The following KATNIP variants were observed in gnomAD, a reference collection of about 807,000 sequenced individuals.
KATNIP encodes the protein katanin-interacting protein.
In KATNIP, 126 loss-of-function variants were observed where a neutral mutation model predicts 174.0. That is an observed-to-expected ratio of 0.72 (90% CI 0.63 to 0.84). The LOEUF is 0.84. Ranked by LOEUF, KATNIP falls within the 40% of genes least tolerant of loss-of-function variation. The pLI is 0.00. For synonymous variants in KATNIP, 810 were observed against 835.7 expected, an observed-to-expected ratio of 0.97 and a Z score of 0.53; for missense variants, 1,958 against 2,109.7, an observed-to-expected ratio of 0.93 and a Z score of 1.41.
intron 1 of KATNIP, among the ~76,000 whole-genome samples, chr16:27,561,278 C>G: frequency 6.6e-6 from 1 of 152,218 alleles, no homozygotes; most frequent in East Asian, 1.9e-4. Flanking sequence ...CTGCATCGGC[C>G]TCCCAAAGTG....
chr16:27,769,851 T>C lies in KATNIP; in HGVS notation c.3976-10T>C. On this transcript the variant is annotated splice_polypyrimidine_tract_variant and intron_variant, in intron 20 of 27. Coordinates refer to ENST00000261588, the MANE Select transcript of KATNIP (RefSeq NM_015202.5). The stretch of plus-strand genomic sequence containing the variant: ...CTCCCTTCAGTCATGTTATTTCTTT[T>C]GTTTGCCAGGCCAAGATTGTCCACG... 1 of 1,612,148 alleles carries C rather than the reference T, an allele frequency of 6.2e-7. No homozygotes were observed. Among genetic ancestry groups the C allele is most frequent in the Non-Finnish European group, 8.5e-7 (1 of 1,178,352 alleles).
At chr16:27,603,824 C>G (rs556681811) in intron 2 of KATNIP, among the ~76,000 whole-genome samples, 6 of 151,998 alleles carry the variant, frequency 3.9e-5, no homozygotes, top group African/African-American at 1.2e-4. Flanking sequence ...GCAACCTCTG[C>G]CTCCCAGGTT....
chr16:27,701,721 C>G (rs143269121), intron 11 of KATNIP, 26 bp downstream of exon 11: 1 of 1,516,942 alleles, frequency 6.6e-7, no homozygotes, highest in Non-Finnish European at 9.0e-7. Context: ...AGGCCAAACC[C>G]GAAACCCCTT....
chr16:27,681,514 G>A lies in KATNIP; in HGVS notation c.924G>A (p.Gln308=), dbSNP rs12923861. Residue 308 remains glutamine (Q), a synonymous_variant, in exon 8 of 28, where the codon CAG becomes CAA. Transcript: ENST00000261588. ...TPQAPAVFPD[Q]ERMCSRPGSR... ...AAGCTCCTGCTGTATTCCCAGACCA[G>A]GAGAGGATGTGCTCCAGTAAGAGTT... 227,930 of 1,614,024 alleles carry A rather than the reference G, an allele frequency of 0.14. 17,230 individuals carry two copies. The highest frequency in any genetic ancestry group is 0.17 in the Admixed American group (9,907 of 60,024).
intron 2 of KATNIP, among the ~76,000 whole-genome samples, chr16:27,590,048 TTTCCCAAG>T (rs879352138): frequency 2.0e-4 from 30 of 152,098 alleles, no homozygotes; most frequent in Non-Finnish European, 3.8e-4. Flanking sequence ...TTTTTTTATG[TTTCCCAAG>T]TTACCAGCAA....
intron 6 of KATNIP, among the ~76,000 whole-genome samples, chr16:27,674,917 A>C (rs1158393762): frequency 6.6e-6 from 1 of 152,190 alleles, no homozygotes. Flanking sequence ...CAAAACTCCA[A>C]AATCTCATCA....
intron 6 of KATNIP, among the ~76,000 whole-genome samples, chr16:27,673,180 A>G (rs2077981776): frequency 6.6e-6 from 1 of 152,170 alleles, no homozygotes; most frequent in Non-Finnish European, 1.5e-5. Flanking sequence ...AACTAAATTC[A>G]TGTTATCCCA....
At position 27,654,515 on chromosome 16, in the gene KATNIP, G is replaced by A. The variant is rs571077452; in HGVS notation, c.540+5780G>A. The A allele has an allele frequency of 5.1e-4, 568 of 1,117,040 alleles. 1 individual carries two copies. The highest frequency in any genetic ancestry group is 1.3e-3 in the South Asian group (108 of 81,208). The allele number at this position is 1,117,040 out of a possible 1,614,324, so 69.2% of individuals were successfully genotyped here. On this transcript the variant is annotated intron_variant, in intron 6 of 27. Transcript: ENST00000261588. ...GTGATTTAATGAGGAGAAGATGGGAGGCAGGGAGACCAACAGAAGAGCGAG... is the reference window on the plus strand; with the variant it reads ...GTGATTTAATGAGGAGAAGATGGGAAGCAGGGAGACCAACAGAAGAGCGAG...
intron 20 of KATNIP, 102 bp from the exon 21 acceptor site, chr16:27,769,759 C>A: frequency 7.1e-7 from 1 of 1,415,274 alleles, no homozygotes; most frequent in African/African-American, 1.4e-5. Context: ...GAAAGGCTCC[C>A]CATGGTGAGC....
intron 8 of KATNIP, among the ~76,000 whole-genome samples, chr16:27,695,025 G>T (rs747873455): frequency 6.6e-6 from 1 of 152,072 alleles, no homozygotes; most frequent in Non-Finnish European, 1.5e-5. Flanking sequence ...GCCATCACTC[G>T]TGGAGTCACC....
intron 2 of KATNIP, among the ~76,000 whole-genome samples, chr16:27,591,429 C>T (rs947882494): frequency 3.3e-5 from 5 of 152,040 alleles, no homozygotes; most frequent in Non-Finnish European, 7.4e-5. Context: ...GTGATCCACC[C>T]GCCTCGGCCT....
intron 13 of KATNIP, among the ~76,000 whole-genome samples, chr16:27,717,134 G>A (rs574251606): frequency 3.0e-4 from 45 of 152,188 alleles, no homozygotes; most frequent in African/African-American, 9.6e-4. Flanking sequence ...GAGCCACTGC[G>A]CCCAGCCAAT....
At chr16:27,633,710 C>T (rs1242424161) in intron 5 of KATNIP, among the ~76,000 whole-genome samples, 1 of 152,170 alleles carries the variant, frequency 6.6e-6, no homozygotes, top group Non-Finnish European at 1.5e-5. Context: ...ATCAGCCCAC[C>T]CACAATAATC....
chr16:27,672,695 C>T (rs1252571784), intron 6 of KATNIP, among the ~76,000 whole-genome samples: 1 of 152,188 alleles, frequency 6.6e-6, no homozygotes, highest in Non-Finnish European at 1.5e-5. Flanking sequence ...GCAGAAGTCA[C>T]AGCTATGCCA....
rs1419802675 is a variant in KATNIP at position 27,740,738 on chromosome 16, G to C, written c.2441G>C (p.Trp814Ser). Residue 814 changes from tryptophan (W) to serine (S), a missense_variant, in exon 15 of 28, where the codon TGG becomes TCG. Trp to Ser is a radical substitution (Grantham distance 177). This residue lies in a region of KATNIP where 1,557 missense variants were observed against 1,617.8 expected (regional missense o/e 0.96). Coordinates refer to ENST00000261588, the MANE Select transcript of KATNIP (RefSeq NM_015202.5). ...RDKGLRHEPG[W>S]GTSRSVNTKE... is the part of the protein sequence containing the mutation. Reference sequence around the variant, plus strand: ...AAAGGCCTACGGCATGAGCCAGGGTGGGGGACCAGCCGGAGTGTCAACACC... The same window carrying C: ...AAAGGCCTACGGCATGAGCCAGGGTCGGGGACCAGCCGGAGTGTCAACACC... The C allele has an allele frequency of 3.7e-6, 6 of 1,614,170 alleles. No homozygotes were observed. Among genetic ancestry groups the C allele is most frequent in the Middle Eastern group, 1.6e-4 (1 of 6,062 alleles).
chr16:27,592,601 G>C (rs1331541641), intron 2 of KATNIP, among the ~76,000 whole-genome samples: 1 of 152,038 alleles, frequency 6.6e-6, no homozygotes, highest in Non-Finnish European at 1.5e-5. Flanking sequence ...CAGGGCAATA[G>C]AGTGAGACCC....
At chr16:27,648,821 C>A in intron 6 of KATNIP, 86 bp downstream of exon 6, 1 of 1,441,442 alleles carries the variant, frequency 6.9e-7, no homozygotes, top group Non-Finnish European at 9.5e-7. Context: ...CACTTTCTGA[C>A]AGTTATTTAT....
intron 14 of KATNIP, among the ~76,000 whole-genome samples, chr16:27,738,465 GTT>G (rs991291490): frequency 3.3e-5 from 5 of 152,200 alleles, no homozygotes; most frequent in Non-Finnish European, 5.9e-5. Context: ...TGGAAAAAGA[GTT>G]TTGCTGTAAA....
intron 15 of KATNIP, among the ~76,000 whole-genome samples, chr16:27,749,276 C>G (rs917745380): frequency 5.3e-5 from 8 of 152,212 alleles, no homozygotes. Context: ...ATTGGGTGAT[C>G]ATAGACAATT....
Sources: allele counts gnomAD v4.1 joint callset (sites outside exome capture counted in the v4.1 genomes callset), GRCh38; gene constraint gnomAD v4.1.1; regional missense constraint gnomAD v4.1.1; transcripts MANE v1.5; gene names NCBI Gene and HGNC (gene_info 2026-07-23, HGNC 2026-07-21).